HELB: variants seen among roughly 807,000 people sequenced by gnomAD.
HELB encodes DNA 5'-3' helicase B.
Under a neutral mutation model 101.7 loss-of-function variants are expected in HELB, and 96 were observed. The observed-to-expected ratio is 0.94, with a 90% confidence interval of 0.80 to 1.12. HELB has a LOEUF of 1.12. Among genes scored for constraint, HELB ranks in the 50% most tolerant of loss-of-function variants. The pLI, the probability that HELB is intolerant of heterozygous loss-of-function variation, is 0.00. For synonymous variants in HELB, 437 were observed against 459.7 expected, an observed-to-expected ratio of 0.95 and a Z score of 0.63; for missense variants, 1,210 against 1,291.9, an observed-to-expected ratio of 0.94 and a Z score of 0.97.
intron 12 of HELB, among the ~76,000 whole-genome samples, chr12:66,333,618 A>T (rs949544264): frequency 6.6e-6 from 1 of 152,044 alleles, no homozygotes; most frequent in African/African-American, 2.4e-5. Context: ...CAGGAGGTAG[A>T]GGTTGCAGTA....
rs1293497539 is a variant in HELB at position 66,322,044 on chromosome 12, ATAT to A, written c.2237+17_2237+19del. 1.0e-6 allele frequency: 1 copy of A among 968,124 alleles called. No individual in the cohort carries two copies. Among genetic ancestry groups the A allele is most frequent in the African/African-American group, 1.6e-5 (1 of 60,880 alleles). The allele number at this position is 968,124 out of a possible 1,614,324, so 60.0% of individuals were successfully genotyped here. A position where few individuals can be genotyped will look rare whatever the true frequency, so the allele number is the denominator to read the frequency against. ...GCATTTAGAAGGTAAAGCATTTATA[ATAT>A]TTTAATGTTTTTAATCTAGCTTTTA... On this transcript the variant is annotated intron_variant, in intron 8 of 12. Coordinates refer to ENST00000247815, the MANE Select transcript of HELB (RefSeq NM_001370285.1).
chr12:66,327,035 C>CAAAAAAA (rs756031862), intron 11 of HELB, among the ~76,000 whole-genome samples: 9 of 41,698 alleles, frequency 2.2e-4, no homozygotes, highest in East Asian at 1.0e-3. Flanking sequence ...GACTTCATCT[C>CAAAAAAA]AAAAAAAAAA....
chr12:66,317,538 G>A lies in HELB; in HGVS notation c.2001-1100G>A, dbSNP rs1565639536. On this transcript the variant is annotated intron_variant, in intron 6 of 12. Coordinates refer to ENST00000247815, the MANE Select transcript of HELB (RefSeq NM_001370285.1). ...TTAGTCATTTTAAAGTCCAAGAAAC[G>A]TGGAGGAATCTGAAGCATATTAGCT... Among the ~76,000 whole-genome samples, 4 of 152,162 alleles carry A rather than the reference G, an allele frequency of 2.6e-5. No homozygotes were observed. The South Asian group carries it at 6.2e-4, about 24-fold the overall frequency.
In HELB at chr12:66,314,059, G is replaced by C. The variant is rs756285869; in HGVS notation, c.1754G>C (p.Arg585Thr). 6 of 1,613,868 alleles carry C rather than the reference G, an allele frequency of 3.7e-6. No individual in the cohort carries two copies. The highest frequency in any genetic ancestry group is 1.1e-5 in the South Asian group (1 of 91,080). Residue 585 changes from arginine to threonine, a missense_variant, in exon 5 of 13, where the codon AGA becomes ACA. Arg to Thr is a moderately conservative substitution (Grantham distance 71). Coordinates refer to ENST00000247815, the MANE Select transcript of HELB (RefSeq NM_001370285.1). Reference sequence around the variant, plus strand: ...AAACCATGGAAATTTTCTTCGGTTAGAGTTCTGGTTGTGGATGAAGGGAGT... The same window carrying C: ...AAACCATGGAAATTTTCTTCGGTTACAGTTCTGGTTGTGGATGAAGGGAGT... ...TNKPWKFSSV[R>T]VLVVDEGSLV...
At chr12:66,341,992 A>C (rs1204025609), downstream of HELB, 4 of 152,178 alleles carry the variant, frequency 2.6e-5, no homozygotes, top group African/African-American at 7.2e-5. Flanking sequence ...TTGAGGCCCA[A>C]GTTTTAAATT....
At chr12:66,312,090 A>G (rs1365333875) in intron 4 of HELB, among the ~76,000 whole-genome samples, 9 of 152,226 alleles carry the variant, frequency 5.9e-5, no homozygotes, top group Non-Finnish European at 1.2e-4. Context: ...TTCGAGCTTT[A>G]AAGTTAGTAA....
In HELB at chr12:66,338,154, G is replaced by GA. The variant is rs1175562476; in HGVS notation, c.*54dup. 9.4e-7 allele frequency: 1 copy of GA among 1,067,344 alleles called. No homozygotes were observed. The highest frequency in any genetic ancestry group is 1.4e-6 in the Non-Finnish European group (1 of 691,262). 66.1% of individuals were successfully genotyped at this position (1,067,344 alleles called of 1,614,324 possible). ...TATGTTTTTCTATTGGAGACAAAAT[G>GA]AACATCGTAACGTCAAAGTACCAAG... On this transcript the variant is annotated 3_prime_UTR_variant, in exon 13 of 13. Transcript: ENST00000247815.
At chr12:66,340,273 A>G (rs958202402), downstream of HELB, 1 of 152,176 alleles carries the variant, frequency 6.6e-6, no homozygotes, top group East Asian at 1.9e-4. Context: ...TATTCTCTCC[A>G]ACGTTTATTA....
chr12:66,324,208 A>G lies in HELB; in HGVS notation c.2523A>G (p.Thr841=). 6.3e-7 allele frequency: 1 copy of G among 1,587,696 alleles called. No homozygotes were observed. Among genetic ancestry groups the G allele is most frequent in the Non-Finnish European group, 8.6e-7 (1 of 1,159,012 alleles). The change falls in exon 10 of 13, where the codon ACA becomes ACG. Residue 841 remains threonine (T), a synonymous_variant. Transcript: ENST00000247815. Reference sequence around the variant, plus strand: ...GCAATGGAGAGATATTTTTCATAACAAATGTAAGTGAAAACAGAAGATAAT... The same window carrying G: ...GCAATGGAGAGATATTTTTCATAACGAATGTAAGTGAAAACAGAAGATAAT... The part of the protein sequence containing the change: ...RLCNGEIFFI[T]NDVTDVTFGK...
chr12:66,324,070 T>C lies in HELB; in HGVS notation c.2385T>C (p.Asn795=). 6.2e-7 allele frequency: 1 copy of C among 1,613,718 alleles called. No individual in the cohort carries two copies. The highest frequency in any genetic ancestry group is 8.5e-7 in the Non-Finnish European group (1 of 1,179,738). ...NAYLSDLLPE[N]ISGSQQNNDL... is the part of the protein sequence containing the mutation. ...ACCTCTCAGACTTACTACCTGAAAA[T>C]ATCTCTGGAAGTCAGCAAAATAATG... Residue 795 remains asparagine, a synonymous_variant, in exon 10 of 13, where the codon AAT becomes AAC. Transcript: ENST00000247815.
chr12:66,328,215 T>C (rs1039677414), intron 11 of HELB, among the ~76,000 whole-genome samples: 2 of 152,196 alleles, frequency 1.3e-5, no homozygotes, highest in African/African-American at 2.4e-5. Flanking sequence ...CGTGTAGCTA[T>C]TGAGCGCTGG....
downstream of HELB, chr12:66,339,487 C>G (rs542026607): frequency 1.3e-5 from 2 of 150,842 alleles, no homozygotes; most frequent in African/African-American, 4.9e-5. Context: ...TCTGGCCGGG[C>G]GTGGTGGCTC....
intron 5 of HELB, among the ~76,000 whole-genome samples, chr12:66,314,809 A>C (rs923922304): frequency 2.0e-5 from 3 of 152,200 alleles, no homozygotes; most frequent in African/African-American, 7.2e-5. Flanking sequence ...CATGCAAAAA[A>C]TATTTTTAAT....
chr12:66,318,886 G>A, intron 7 of HELB, 94 bp downstream of exon 7: 30 of 934,352 alleles, frequency 3.2e-5, no homozygotes, highest in Middle Eastern at 3.4e-4. Flanking sequence ...TTTCTTTAAT[G>A]GTAAAGAGAA....
chr12:66,319,872 G>C (rs2053650338), intron 7 of HELB, among the ~76,000 whole-genome samples: 1 of 83,264 alleles, frequency 1.2e-5, no homozygotes, highest in Non-Finnish European at 3.2e-5. Context: ...TCTATAATGT[G>C]CTTTTTTGGT....
chr12:66,318,887 G>A, intron 7 of HELB, 95 bp downstream of exon 7: 1 of 936,116 alleles, frequency 1.1e-6, no homozygotes. Context: ...TTCTTTAATG[G>A]TAAAGAGAAA....
intron 11 of HELB, among the ~76,000 whole-genome samples, chr12:66,328,781 C>T (rs975236158): frequency 6.6e-6 from 1 of 151,888 alleles, no homozygotes; most frequent in African/African-American, 2.4e-5. Context: ...TTATTAATAA[C>T]TTAATATTGA....
intron 4 of HELB, among the ~76,000 whole-genome samples, chr12:66,312,022 T>C (rs2053550669): frequency 1.3e-5 from 2 of 152,236 alleles, no homozygotes; most frequent in Non-Finnish European, 2.9e-5. Flanking sequence ...CTTCATTGAC[T>C]GGAATGAAGC....
chr12:66,322,828 C>T lies in HELB; in HGVS notation c.2297+45C>T, dbSNP rs561604411. 8.4e-6 allele frequency: 11 copies of T among 1,310,720 alleles called. No homozygotes were observed. The Admixed American group carries it at 1.1e-4, about 13-fold the overall frequency. 81.2% of individuals were successfully genotyped at this position (1,310,720 alleles called of 1,614,324 possible). Reference sequence around the variant, plus strand: ...GAAACTTTTAAGGACAGTCCTTCTTCGATTTGCTGGTTTTTTTTTTTGCTT... The same window carrying T: ...GAAACTTTTAAGGACAGTCCTTCTTTGATTTGCTGGTTTTTTTTTTTGCTT... On this transcript the variant is annotated intron_variant, in intron 9 of 12. Transcript: ENST00000247815.
Sources: allele counts gnomAD v4.1 joint callset (sites outside exome capture counted in the v4.1 genomes callset), GRCh38; gene constraint gnomAD v4.1.1; transcripts MANE v1.5; gene names NCBI Gene and HGNC (gene_info 2026-07-23, HGNC 2026-07-21).